The following SHROOM2 variants were observed in gnomAD, a reference collection of about 807,000 sequenced individuals.
The protein encoded by SHROOM2 is protein Shroom2.
SHROOM2 carries 33 observed loss-of-function variants against 75.9 expected under a neutral mutation model. The ratio of observed to expected loss-of-function variants is 0.43; its 90% confidence interval spans 0.33 to 0.58. The LOEUF (loss-of-function observed/expected upper bound fraction) is 0.58, where lower values mean the gene tolerates loss of function less well. SHROOM2 is among the 20% of genes least tolerant of loss of function. The pLI is 0.04. For missense variants in SHROOM2, 1,434 were observed against 1,461.2 expected (o/e 0.98, Z 0.30); for synonymous variants, 655 against 663.6 (o/e 0.99, Z 0.20).
intron 1 of SHROOM2, chrX:9,819,399 A>G (rs2083840037): frequency 2.3e-6 from 1 of 440,352 alleles, no homozygotes; most frequent in South Asian, 3.5e-5. Flanking sequence ...TTTGCCCTCA[A>G]CCTTGGCAAT....
chrX:9,915,058 G>A (rs770336863), intron 5 of SHROOM2, among the ~76,000 whole-genome samples: 6 of 112,186 alleles, frequency 5.3e-5, no homozygotes, highest in East Asian at 5.6e-4. Context: ...TGTGGCTTGC[G>A]AAGCCACCTA....
chrX:9,890,801 C>T (rs918309793), intron 2 of SHROOM2, among the ~76,000 whole-genome samples, 176 bp from the exon 3 acceptor site: 1 of 110,183 alleles, frequency 9.1e-6, no homozygotes, highest in African/African-American at 3.3e-5. Flanking sequence ...AGTCCCGAGC[C>T]CCCTGCACTG....
chrX:9,898,047 G>A, intron 4 of SHROOM2, 143 bp from the exon 5 acceptor site: 1 of 519,027 alleles, frequency 1.9e-6, no homozygotes, highest in South Asian at 2.6e-5. Flanking sequence ...AGTGGACGTG[G>A]GGTCTTATTT....
intron 2 of SHROOM2, among the ~76,000 whole-genome samples, 189 bp downstream of exon 2, chrX:9,873,992 C>T (rs1039253904): frequency 8.0e-5 from 9 of 111,912 alleles, no homozygotes; most frequent in Admixed American, 1.9e-4. Flanking sequence ...TTTATTACGA[C>T]GATTTTTATA....
At chrX:9,891,620 A>T (rs187370045) in intron 3 of SHROOM2, among the ~76,000 whole-genome samples, 3 of 111,102 alleles carry the variant, frequency 2.7e-5, no homozygotes. Flanking sequence ...GCGTGTGTGG[A>T]TGTCTCCCTG....
At chrX:9,935,990 G>C (rs2084700650) in intron 6 of SHROOM2, among the ~76,000 whole-genome samples, 1 of 111,555 alleles carries the variant, frequency 9.0e-6, no homozygotes, top group African/African-American at 3.3e-5. Context: ...CAGGTGCAGG[G>C]CTGCCCCAGA....
chrX:9,891,266 G>A (rs192312969), intron 3 of SHROOM2, among the ~76,000 whole-genome samples, 158 bp downstream of exon 3: 7 of 112,117 alleles, frequency 6.2e-5, no homozygotes, highest in East Asian at 2.8e-4. Flanking sequence ...ACCGGCAAGC[G>A]TGTGACACAA....
chrX:9,903,930 C>T (rs950657022), intron 5 of SHROOM2, among the ~76,000 whole-genome samples: 2 of 110,707 alleles, frequency 1.8e-5, no homozygotes, highest in African/African-American at 6.6e-5. Flanking sequence ...CCGAGACAGG[C>T]GGCCACCCGT....
At chrX:9,854,403 C>G (rs912755881) in intron 1 of SHROOM2, among the ~76,000 whole-genome samples, 1 of 111,848 alleles carries the variant, frequency 8.9e-6, no homozygotes, top group Non-Finnish European at 1.9e-5. Flanking sequence ...CAGCCCACAT[C>G]TGGTTCCAGC....
intron 1 of SHROOM2, among the ~76,000 whole-genome samples, chrX:9,873,317 G>A (rs2084181060): frequency 8.9e-6 from 1 of 112,796 alleles, no homozygotes; most frequent in South Asian, 3.6e-4. Flanking sequence ...CAGGATTAAT[G>A]TATGAGAAAT....
Position 9,937,361 on chromosome X carries a change from C to T in SHROOM2, c.3815C>T (p.Ala1272Val), listed in dbSNP as rs1013431897. 2 of 1,204,951 alleles carry T rather than the reference C, an allele frequency of 1.7e-6. No individual in the cohort carries two copies. The highest frequency in any genetic ancestry group is 2.2e-6 in the Non-Finnish European group (2 of 892,087). Residue 1272 changes from alanine (A) to valine (V), a missense_variant, in exon 7 of 10, where the codon GCC becomes GTC. Ala to Val is a moderately conservative substitution (Grantham distance 64). Coordinates refer to ENST00000380913, the MANE Select transcript of SHROOM2 (RefSeq NM_001649.4). The stretch of plus-strand genomic sequence containing the variant: ...ACGCGGCAGGGTGCTGAGCCCGAGG[C>T]CCCACATAGGGCCCAGCCGGCTGAG... Reference protein sequence around the residue: ...LYTRQGAEPEAPHRAQPAEPQ... With the variant: ...LYTRQGAEPEVPHRAQPAEPQ...
chrX:9,860,221 C>G lies in SHROOM2; in HGVS notation c.166-13431C>G, dbSNP rs139258547. Among the ~76,000 whole-genome samples the G allele has an allele frequency of 2.3e-3, 262 of 111,781 alleles. 1 individual carries two copies. Among genetic ancestry groups the G allele is most frequent in the African/African-American group, 8.0e-3 (245 of 30,760 alleles). ...GGCAGCCCTCACGGCAAAGAATGAT[C>G]CGGCCCCAAATGTCAATAGTGCTGA... is the stretch of plus-strand genomic sequence containing the variant. On this transcript the variant is annotated intron_variant, in intron 1 of 9. Coordinates refer to ENST00000380913, the MANE Select transcript of SHROOM2 (RefSeq NM_001649.4).
chrX:9,942,251 G>A (rs1213332891), intron 8 of SHROOM2, among the ~76,000 whole-genome samples: 2 of 111,996 alleles, frequency 1.8e-5, no homozygotes, highest in African/African-American at 6.5e-5. Context: ...CTGCTCTCAC[G>A]CCACAGCAAC....
intron 1 of SHROOM2, among the ~76,000 whole-genome samples, chrX:9,837,619 G>T (rs1482545506): frequency 8.9e-6 from 1 of 112,413 alleles, no homozygotes. Context: ...CTCTGAGACC[G>T]TTCCTTGTCT....
intron 5 of SHROOM2, among the ~76,000 whole-genome samples, chrX:9,923,154 T>C (rs1188270220): frequency 9.0e-6 from 1 of 111,299 alleles, no homozygotes; most frequent in Non-Finnish European, 1.9e-5. Context: ...CTGGCCTCTT[T>C]TTAGTTGCTA....
intron 1 of SHROOM2, among the ~76,000 whole-genome samples, chrX:9,796,338 G>A (rs892261869): frequency 3.6e-5 from 4 of 110,192 alleles, no homozygotes; most frequent in East Asian, 2.9e-4. Flanking sequence ...TGGGAGGATC[G>A]CTTTGAGCCA....
chrX:9,908,960 T>TAAATAAATAAATAAAAACAA (rs1461215311), intron 5 of SHROOM2, among the ~76,000 whole-genome samples: 1 of 108,756 alleles, frequency 9.2e-6, no homozygotes, highest in Non-Finnish European at 1.9e-5. Context: ...AATAAATAAA[T>TAAATAAATAAATAAAAACAA]AAATAAATAA....
intron 5 of SHROOM2, among the ~76,000 whole-genome samples, chrX:9,904,564 C>A (rs576925140): frequency 8.9e-6 from 1 of 111,834 alleles, no homozygotes; most frequent in Non-Finnish European, 1.9e-5. Flanking sequence ...GAGAGACTCC[C>A]GTAGCACGTG....
intron 5 of SHROOM2, among the ~76,000 whole-genome samples, chrX:9,921,533 A>G (rs1306061777): frequency 1.0e-5 from 1 of 100,226 alleles, no homozygotes; most frequent in Non-Finnish European, 2.0e-5. Flanking sequence ...ATTATTAACT[A>G]CAGACGCTGC....
Sources: allele counts gnomAD v4.1 joint callset (sites outside exome capture counted in the v4.1 genomes callset), GRCh38; gene constraint gnomAD v4.1.1; transcripts MANE v1.5; gene names NCBI Gene and HGNC (gene_info 2026-07-23, HGNC 2026-07-21).